ZNF804B: variants seen among roughly 807,000 people sequenced by gnomAD.
ZNF804B encodes zinc finger 804B.
A neutral mutation model predicts 101.4 loss-of-function variants in ZNF804B; 80 were observed. The observed-to-expected ratio is 0.79, with a 90% CI of 0.66 to 0.95. The LOEUF is 0.95. ZNF804B is among the 40% of genes least tolerant of loss of function. ZNF804B has a pLI of 0.00. For missense variants in ZNF804B, 1,673 were observed against 1,561.9 expected, an observed-to-expected ratio of 1.07 and a Z score of -1.20; for synonymous variants, 622 against 558.8, an observed-to-expected ratio of 1.11 and a Z score of -1.59.
intron 1 of ZNF804B, among the ~76,000 whole-genome samples, chr7:89,065,788 C>G (rs1789447633): frequency 6.6e-6 from 1 of 152,098 alleles, no homozygotes; most frequent in Admixed American, 6.6e-5. Context: ...ATCATCTCAA[C>G]CTTTTACTTC....
At chr7:88,980,322 G>A (rs1057194903) in intron 1 of ZNF804B, among the ~76,000 whole-genome samples, 2 of 151,990 alleles carry the variant, frequency 1.3e-5, no homozygotes, top group African/African-American at 4.8e-5. Context: ...TATTTAGTTT[G>A]ATTTTTGAGT....
intron 2 of ZNF804B, among the ~76,000 whole-genome samples, chr7:89,218,938 C>T (rs1788938755): frequency 6.6e-6 from 1 of 151,908 alleles, no homozygotes; most frequent in Non-Finnish European, 1.5e-5. Context: ...TCAGGGGTGG[C>T]AGAGGTCAAA....
intron 1 of ZNF804B, among the ~76,000 whole-genome samples, chr7:88,839,447 AGAGT>A (rs1311874666): frequency 6.6e-6 from 1 of 152,010 alleles, no homozygotes; most frequent in Non-Finnish European, 1.5e-5. Context: ...TCCAGAAAGT[AGAGT>A]AATATGCTCA....
intron 1 of ZNF804B, among the ~76,000 whole-genome samples, chr7:89,209,368 G>A (rs1481655274): frequency 6.6e-6 from 1 of 152,182 alleles, no homozygotes; most frequent in African/African-American, 2.4e-5. Flanking sequence ...CCTGGGCATT[G>A]ATGGAAAAGT....
intron 1 of ZNF804B, among the ~76,000 whole-genome samples, chr7:88,945,176 T>TAGA (rs1793109332): frequency 6.6e-6 from 1 of 152,116 alleles, no homozygotes; most frequent in African/African-American, 2.4e-5. Flanking sequence ...GTCTATGTCC[T>TAGA]GAATGGTATT....
intron 1 of ZNF804B, among the ~76,000 whole-genome samples, chr7:88,760,756 A>G (rs1158404888): frequency 1.3e-5 from 2 of 151,476 alleles, no homozygotes; most frequent in African/African-American, 4.8e-5. Context: ...TTCTTTTTAT[A>G]AAATAATTTC....
At chr7:88,883,224 G>T (rs1030506544) in intron 1 of ZNF804B, among the ~76,000 whole-genome samples, 1 of 152,012 alleles carries the variant, frequency 6.6e-6, no homozygotes, top group African/African-American at 2.4e-5. Context: ...AGCCTCCACT[G>T]CCAGAGATTT....
chr7:88,914,531 C>T (rs530942695), intron 1 of ZNF804B, among the ~76,000 whole-genome samples: 1 of 152,160 alleles, frequency 6.6e-6, no homozygotes, highest in Non-Finnish European at 1.5e-5. Flanking sequence ...TTTAGCAACT[C>T]CCTTGCCTGC....
chr7:88,857,360 C>T (rs1387932525), intron 1 of ZNF804B, among the ~76,000 whole-genome samples: 2 of 151,864 alleles, frequency 1.3e-5, no homozygotes, highest in African/African-American at 4.8e-5. Context: ...ATTGATAGAC[C>T]ACTAGGAAGA....
chr7:88,964,247 T>A (rs550885829), intron 1 of ZNF804B, among the ~76,000 whole-genome samples: 1 of 151,604 alleles, frequency 6.6e-6, no homozygotes, highest in South Asian at 2.1e-4. Context: ...ATAGCTGTGT[T>A]ATTCACAATT....
chr7:88,894,298 C>T (rs1792255075), intron 1 of ZNF804B, among the ~76,000 whole-genome samples: 1 of 151,694 alleles, frequency 6.6e-6, no homozygotes, highest in African/African-American at 2.4e-5. Context: ...ATTGCAACCT[C>T]TGCCTCCCGG....
At chr7:89,193,306 A>AT (rs36008043) in intron 1 of ZNF804B, among the ~76,000 whole-genome samples, 35,275 of 146,068 alleles carry the variant, frequency 0.24, 4,402 homozygotes, top group Non-Finnish European at 0.28. Context: ...TTCTATCTTT[A>AT]TTTTTTTTTA....
At position 89,336,618 on chromosome 7, in the gene ZNF804B, G is replaced by A. The variant is rs775204776; in HGVS notation, c.3636G>A (p.Thr1212=). The A allele has an allele frequency of 2.9e-5, 46 of 1,613,854 alleles. No individual in the cohort carries two copies. The Admixed American group carries it at 3.3e-4, about 12-fold the overall frequency. The stretch of plus-strand genomic sequence containing the variant: ...CTTCTATCACCACCATCCACCACAC[G>A]TTCCTGCAGCATTTTGCTGTTTCTG... ...QHTSITTIHH[T]FLQHFAVSAS... Residue 1212 remains threonine, a synonymous_variant, in exon 4 of 4, where the codon ACG becomes ACA. Coordinates refer to ENST00000333190, the MANE Select transcript of ZNF804B (RefSeq NM_181646.5).
In ZNF804B at chr7:89,138,764, C is replaced by T. The variant is rs187043497; in HGVS notation, c.109-79391C>T. ...TGTTCTTGTGATAGTGAATAAGTCT[C>T]ATGAGATCTGATGGCTTTATAAGGC... On this transcript the variant is annotated intron_variant, in intron 1 of 3. Transcript: ENST00000333190. 4.5e-4 allele frequency among the ~76,000 whole-genome samples: 69 copies of T among 152,200 alleles called. 1 individual carries two copies. Among genetic ancestry groups the T allele is most frequent in the African/African-American group, 1.6e-3 (68 of 41,552 alleles).
At chr7:89,193,974 G>A (rs1388730838) in intron 1 of ZNF804B, among the ~76,000 whole-genome samples, 1 of 152,138 alleles carries the variant, frequency 6.6e-6, no homozygotes, top group African/African-American at 2.4e-5. Flanking sequence ...TCCAGCACCT[G>A]TTGTTTCCTG....
At chr7:89,070,110 T>G (rs62464168) in intron 1 of ZNF804B, among the ~76,000 whole-genome samples, 1 of 152,142 alleles carries the variant, frequency 6.6e-6, no homozygotes, top group African/African-American at 2.4e-5. Flanking sequence ...AACAAATCAG[T>G]AGACAAGATT....
chr7:88,839,737 A>G (rs1421972979), intron 1 of ZNF804B, among the ~76,000 whole-genome samples: 1 of 144,302 alleles, frequency 6.9e-6, no homozygotes, highest in Non-Finnish European at 1.5e-5. Flanking sequence ...TTTAACCGAG[A>G]GCAGGTTCTT....
At chr7:89,126,664 G>T (rs971601238) in intron 1 of ZNF804B, among the ~76,000 whole-genome samples, 2 of 151,188 alleles carry the variant, frequency 1.3e-5, no homozygotes, top group Non-Finnish European at 3.0e-5. Context: ...TGTGTGTGTG[G>T]TGGCCCTTTT....
intron 1 of ZNF804B, among the ~76,000 whole-genome samples, chr7:89,087,056 CA>C (rs35084707): frequency 0.31 from 43,619 of 140,480 alleles, 6,661 homozygotes; most frequent in East Asian, 0.53. Flanking sequence ...TTTTTAAATT[CA>C]AAAAAAAAAA....
Sources: gnomAD v4.1 joint callset for allele counts (sites outside exome capture counted in the v4.1 genomes callset) on GRCh38, gnomAD v4.1.1 for gene constraint, MANE v1.5 for transcripts, NCBI Gene and HGNC (gene_info 2026-07-23, HGNC 2026-07-21) for gene names.